The following ARFGEF3 variants were observed in gnomAD, a reference collection of about 807,000 sequenced individuals.
ARFGEF3 encodes brefeldin A-inhibited guanine nucleotide-exchange protein 3.
In ARFGEF3, 96 loss-of-function variants were observed where a neutral mutation model predicts 221.7. The observed-to-expected ratio is 0.43, with a 90% CI of 0.37 to 0.51. ARFGEF3 has a LOEUF of 0.51. ARFGEF3 is among the 20% of genes least tolerant of loss of function. The probability of loss-of-function intolerance (pLI) is 0.00; values close to 1 mark genes in which losing one functional copy is unlikely to be tolerated. For missense variants in ARFGEF3, 2,410 were observed against 2,789.9 expected (o/e 0.86, Z 3.07); for synonymous variants, 1,145 against 1,126.8 (o/e 1.02, Z -0.32).
chr6:138,303,860 CAAAAAAAAA>C (rs140349507), intron 22 of ARFGEF3, among the ~76,000 whole-genome samples: 48 of 20,614 alleles, frequency 2.3e-3, no homozygotes, highest in Non-Finnish European at 3.6e-3. Flanking sequence ...GACTCCGTCT[CAAAAAAAAA>C]AAAAAAAAAA....
At chr6:138,313,046 G>A (rs891263918) in intron 25 of ARFGEF3, among the ~76,000 whole-genome samples, 5 of 152,118 alleles carry the variant, frequency 3.3e-5, no homozygotes, top group African/African-American at 1.2e-4. Flanking sequence ...AGTTTTTCCT[G>A]TAGCATTTAT....
At chr6:138,269,236 C>T (rs571123214) in intron 12 of ARFGEF3, among the ~76,000 whole-genome samples, 38 of 152,378 alleles carry the variant, frequency 2.5e-4, no homozygotes, top group East Asian at 1.2e-3. Flanking sequence ...TCTGCCTCAC[C>T]GCTTCTTCCC....
At chr6:138,311,807 G>A (rs1326251827) in intron 25 of ARFGEF3, among the ~76,000 whole-genome samples, 1 of 152,252 alleles carries the variant, frequency 6.6e-6, no homozygotes. Flanking sequence ...AGGGGAAGGG[G>A]TCACTAGGTC....
intron 20 of ARFGEF3, among the ~76,000 whole-genome samples, chr6:138,295,637 AAAAG>A (rs1325274576): frequency 3.9e-5 from 6 of 152,012 alleles, no homozygotes; most frequent in Non-Finnish European, 5.9e-5. Context: ...CAAAAAAAAA[AAAAG>A]AAAGAAAGAA....
chr6:138,263,169 C>T lies in ARFGEF3; in HGVS notation c.1686C>T (p.Val562=), dbSNP rs767772151. ...CAGAGGCGGTAGACCAGCCAGATGT[C>T]GTGCAGAGAAGCCACACGGTCCCTT... ...LETEAVDQPD[V]VQRSHTVPYP... The change falls in exon 12 of 34, where the codon GTC becomes GTT. Residue 562 remains valine (V), a synonymous_variant. Transcript: ENST00000251691. The T allele has an allele frequency of 6.2e-6, 10 of 1,613,986 alleles. No individual in the cohort carries two copies. Among genetic ancestry groups the T allele is most frequent in the Middle Eastern group, 1.6e-4 (1 of 6,062 alleles).
Position 138,266,848 on chromosome 6 carries a change from C to CA in ARFGEF3, c.2128+3254dup, listed in dbSNP as rs55638606. Among the ~76,000 whole-genome samples the CA allele has an allele frequency of 1.2e-3, 95 of 77,370 alleles. 2 individuals are homozygous for CA. The highest frequency in any genetic ancestry group is 1.3e-3 in the Non-Finnish European group (55 of 42,672). 50.8% of individuals were successfully genotyped at this position (77,370 alleles called of 152,430 possible). A position where few individuals can be genotyped will look rare whatever the true frequency, so the allele number is the denominator to read the frequency against. On this transcript the variant is annotated intron_variant, in intron 12 of 33. Coordinates refer to ENST00000251691, the MANE Select transcript of ARFGEF3 (RefSeq NM_020340.5). Reference sequence around the variant, plus strand: ...TTGGTGACAGAGCAAGACTCCATCTCAAAAAAAAAAAAAAAAAGATGTGCA... The same window carrying CA: ...TTGGTGACAGAGCAAGACTCCATCTCAAAAAAAAAAAAAAAAAAGATGTGCA...
intron 20 of ARFGEF3, among the ~76,000 whole-genome samples, chr6:138,295,993 G>A (rs1779504792): frequency 6.6e-6 from 1 of 152,222 alleles, no homozygotes; most frequent in African/African-American, 2.4e-5. Flanking sequence ...CAGAGGAGAG[G>A]CAATAGGACA....
rs977553017 is a variant in ARFGEF3 at position 138,338,984 on chromosome 6, G to A, written c.*2498G>A. ...TTATGGGTCCCAAGAATAAAAGGATGAGTAGGTGTACAGAGCTCTTGACCT... is the reference window on the plus strand; with the variant it reads ...TTATGGGTCCCAAGAATAAAAGGATAAGTAGGTGTACAGAGCTCTTGACCT... On this transcript the variant is annotated 3_prime_UTR_variant, in exon 34 of 34. Transcript: ENST00000251691. 4 of 152,124 alleles carry A rather than the reference G, an allele frequency of 2.6e-5. No homozygotes were observed. The highest frequency in any genetic ancestry group is 7.2e-5 in the African/African-American group (3 of 41,408). The allele number at this position is 152,124 out of a possible 1,614,324, so 9.4% of individuals were successfully genotyped here.
chr6:138,259,719 C>A (rs144935634), intron 10 of ARFGEF3, among the ~76,000 whole-genome samples: 4 of 152,150 alleles, frequency 2.6e-5, no homozygotes, highest in African/African-American at 9.7e-5. Context: ...CAAGATCAGG[C>A]TGGCCAACAT....
chr6:138,302,348 A>C (rs914773050), intron 22 of ARFGEF3, among the ~76,000 whole-genome samples: 3 of 152,208 alleles, frequency 2.0e-5, no homozygotes, highest in African/African-American at 7.2e-5. Context: ...AGATGGCAGA[A>C]GAAAGATCAG....
intron 2 of ARFGEF3, among the ~76,000 whole-genome samples, chr6:138,179,555 T>C (rs985408086): frequency 1.3e-5 from 2 of 152,164 alleles, no homozygotes; most frequent in African/African-American, 4.8e-5. Context: ...GCCTGCCTTG[T>C]CCAGACACTT....
intron 12 of ARFGEF3, among the ~76,000 whole-genome samples, chr6:138,277,790 G>A (rs1381592297): frequency 6.6e-6 from 1 of 152,204 alleles, no homozygotes; most frequent in African/African-American, 2.4e-5. Flanking sequence ...ATAAAACTGG[G>A]TAGAATAAAT....
intron 17 of ARFGEF3, among the ~76,000 whole-genome samples, chr6:138,288,279 G>A (rs1448546839): frequency 6.6e-6 from 1 of 152,152 alleles, no homozygotes; most frequent in Non-Finnish European, 1.5e-5. Flanking sequence ...AGCTACTCGG[G>A]AGGCTGAGGT....
intron 4 of ARFGEF3, among the ~76,000 whole-genome samples, chr6:138,222,842 A>T (rs897549875): frequency 6.6e-6 from 1 of 152,070 alleles, no homozygotes; most frequent in Non-Finnish European, 1.5e-5. Context: ...CTTGTACCTC[A>T]TATATAGTTT....
At chr6:138,187,515 C>T (rs552654411) in intron 2 of ARFGEF3, among the ~76,000 whole-genome samples, 9 of 152,262 alleles carry the variant, frequency 5.9e-5, no homozygotes, top group Admixed American at 2.0e-4. Flanking sequence ...AGGAAGGCTC[C>T]GGCTCTCAAG....
intron 22 of ARFGEF3, among the ~76,000 whole-genome samples, chr6:138,303,709 G>C (rs1779665225): frequency 6.6e-6 from 1 of 151,676 alleles, no homozygotes; most frequent in African/African-American, 2.4e-5. Flanking sequence ...AGCTGAGGTA[G>C]GAGAATCACT....
intron 6 of ARFGEF3, among the ~76,000 whole-genome samples, chr6:138,239,345 C>A (rs764432474): frequency 2.0e-5 from 3 of 152,048 alleles, no homozygotes; most frequent in Non-Finnish European, 4.4e-5. Context: ...GTTATTTGTT[C>A]AAATGGAAAA....
intron 14 of ARFGEF3, among the ~76,000 whole-genome samples, chr6:138,281,653 T>G (rs1273062554): frequency 6.6e-6 from 1 of 152,260 alleles, no homozygotes; most frequent in Non-Finnish European, 1.5e-5. Flanking sequence ...TTTTGTTCTT[T>G]TTTATGGTTG....
At position 138,337,501 on chromosome 6, in the gene ARFGEF3, G is replaced by A. The variant is rs1389252282; in HGVS notation, c.*1015G>A. The A allele has an allele frequency of 1.3e-5, 2 of 152,578 alleles. No homozygotes were observed. The highest frequency in any genetic ancestry group is 3.8e-4 in the East Asian group (2 of 5,200). The allele number at this position is 152,578 out of a possible 1,614,324, so 9.5% of individuals were successfully genotyped here. ...ACTCAGGGAAGGGAGCAGGGAGTGT[G>A]GGGTGGGGATGGATTATGATGAAAT... On this transcript the variant is annotated 3_prime_UTR_variant, in exon 34 of 34. Transcript: ENST00000251691.
Sources: gnomAD v4.1 joint callset for allele counts (sites outside exome capture counted in the v4.1 genomes callset) on GRCh38, gnomAD v4.1.1 for gene constraint, MANE v1.5 for transcripts, NCBI Gene and HGNC (gene_info 2026-07-23, HGNC 2026-07-21) for gene names.